Variants in CA12 observed in about 807,000 individuals in gnomAD.
The protein encoded by CA12 is carbonate dehydratase XII.
A neutral mutation model predicts 46.8 loss-of-function variants in CA12; 36 were observed. The observed-to-expected ratio is 0.77, with a 90% CI of 0.59 to 1.02. The LOEUF is 1.02. Among genes scored for constraint, CA12 ranks in the 50% least tolerant of loss-of-function variants. The pLI is 0.00. For synonymous variants in CA12, 202 were observed against 187.0 expected (o/e 1.08, Z -0.65); for missense variants, 436 against 451.4 (o/e 0.97, Z 0.31).
At chr15:63,332,302 G>A (rs1261008633) in intron 8 of CA12, among the ~76,000 whole-genome samples, 3 of 152,318 alleles carry the variant, frequency 2.0e-5, no homozygotes, top group South Asian at 2.1e-4. Flanking sequence ...CCTTATGAAC[G>A]CTATGCAACC....
chr15:63,332,564 C>A (rs1040091603), intron 8 of CA12, among the ~76,000 whole-genome samples: 2 of 152,142 alleles, frequency 1.3e-5, no homozygotes, highest in East Asian at 1.9e-4. Context: ...GGTGGTGGGA[C>A]GGGGGCCTTT....
Position 63,381,765 on chromosome 15 carries a change from C to G in CA12, c.-45G>C. The G allele has an allele frequency of 4.4e-6, 6 of 1,372,996 alleles. No individual in the cohort carries two copies. The highest frequency in any genetic ancestry group is 1.5e-5 in the South Asian group (1 of 68,408). 85.1% of individuals were successfully genotyped at this position (1,372,996 alleles called of 1,614,324 possible). A position where few individuals can be genotyped will look rare whatever the true frequency, so the allele number is the denominator to read the frequency against. Reference sequence around the variant, plus strand: ...GCGGGCGCGGGCTGTGCCGGGGGCTCCCGGTGGCCGCTCGCTCTCCAGCTG... The same window carrying G: ...GCGGGCGCGGGCTGTGCCGGGGGCTGCCGGTGGCCGCTCGCTCTCCAGCTG... On this transcript the variant is annotated 5_prime_UTR_variant, in exon 1 of 11. Transcript: ENST00000178638.
At position 63,328,147 on chromosome 15, in the gene CA12, A is replaced by G. The variant is rs1234115391; in HGVS notation, c.875-17T>C. On this transcript the variant is annotated splice_polypyrimidine_tract_variant and intron_variant, in intron 8 of 10. Coordinates refer to ENST00000178638, the MANE Select transcript of CA12 (RefSeq NM_001218.5). This position sits in a 1 kb window ranked among gnomAD's most constrained non-coding sequence, Gnocchi z 5.9. ...AGACTTGCACTTAAAAGGGGAGAGG[A>G]AAAGACGAGGTTACTCTAGAGTCAA... 6.2e-7 allele frequency: 1 copy of G among 1,613,244 alleles called. No homozygotes were observed. The highest frequency in any genetic ancestry group is 1.3e-5 in the African/African-American group (1 of 74,980).
chr15:63,340,835 C>A lies in CA12; in HGVS notation c.526-52G>T. On this transcript the variant is annotated intron_variant, in intron 5 of 10. Transcript: ENST00000178638. The surrounding 1 kb of genome is among the most constrained non-coding windows in gnomAD (Gnocchi z 4.4). The stretch of plus-strand genomic sequence containing the variant: ...CTGGGACAGAACAGGATAGGCTGAG[C>A]CAGGATTGACGATTGCTATCAGAAG... 1 of 1,529,474 alleles carries A rather than the reference C, an allele frequency of 6.5e-7. No homozygotes were observed. The highest frequency in any genetic ancestry group is 1.7e-5 in the Admixed American group (1 of 59,748). 94.7% of individuals were successfully genotyped at this position (1,529,474 alleles called of 1,614,324 possible). A position where few individuals can be genotyped will look rare whatever the true frequency, so the allele number is the denominator to read the frequency against.
Position 63,379,899 on chromosome 15 carries a change from G to A in CA12, c.85+1737C>T, listed in dbSNP as rs78003059. ...CCAAGGGTTTCTCCAGAAGACACTTGACTTCACATTATTATGCTCCCTCCT... is the reference window on the plus strand; with the variant it reads ...CCAAGGGTTTCTCCAGAAGACACTTAACTTCACATTATTATGCTCCCTCCT... On this transcript the variant is annotated intron_variant, in intron 1 of 10. Transcript: ENST00000178638. Among the ~76,000 whole-genome samples, 420 of 152,278 alleles carry A rather than the reference G, an allele frequency of 2.8e-3. 1 individual carries two copies. Among genetic ancestry groups the A allele is most frequent in the African/African-American group, 9.5e-3 (395 of 41,546 alleles).
chr15:63,381,587 G>T, intron 1 of CA12, 49 bp downstream of exon 1: 1 of 1,475,970 alleles, frequency 6.8e-7, no homozygotes, highest in Non-Finnish European at 9.4e-7. Context: ...CAGCCCAGGG[G>T]CGGCTGAGCG....
intron 8 of CA12, among the ~76,000 whole-genome samples, chr15:63,333,252 G>A (rs1028649174): frequency 2.0e-5 from 3 of 152,220 alleles, no homozygotes; most frequent in South Asian, 2.1e-4. Flanking sequence ...TGGAAGGATC[G>A]GCTAGGGCCC....
chr15:63,325,321 G>C lies in CA12; in HGVS notation c.*964C>G, dbSNP rs2038851295. On this transcript the variant is annotated 3_prime_UTR_variant, in exon 11 of 11. Coordinates refer to ENST00000178638, the MANE Select transcript of CA12 (RefSeq NM_001218.5). This position sits in a 1 kb window ranked among gnomAD's most constrained non-coding sequence, Gnocchi z 4.9. The stretch of plus-strand genomic sequence containing the variant: ...TCTGCCTATTTCCTCCAGATTCAAA[G>C]GCAGATTGGGTCATCTCGGAACTCA... The C allele has an allele frequency of 6.6e-6, 1 of 152,162 alleles. No homozygotes were observed. Among genetic ancestry groups the C allele is most frequent in the Non-Finnish European group, 1.5e-5 (1 of 68,042 alleles). The allele number at this position is 152,162 out of a possible 1,614,324, so 9.4% of individuals were successfully genotyped here.
At chr15:63,352,087 GCT>G (rs2039239852) in intron 2 of CA12, among the ~76,000 whole-genome samples, 1 of 152,180 alleles carries the variant, frequency 6.6e-6, no homozygotes. Context: ...ACTGAGTCTT[GCT>G]CTGTCACCAA....
chr15:63,342,647 C>T (rs557081521), intron 4 of CA12, among the ~76,000 whole-genome samples: 46 of 152,264 alleles, frequency 3.0e-4, no homozygotes, highest in African/African-American at 9.9e-4. Flanking sequence ...TCATGTCCAA[C>T]TCCCTCTTCC....
intron 2 of CA12, among the ~76,000 whole-genome samples, chr15:63,362,502 T>C (rs911455701): frequency 1.8e-4 from 27 of 152,194 alleles, no homozygotes; most frequent in Non-Finnish European, 1.5e-5. Flanking sequence ...AGATAAGCCC[T>C]GGGCAATGGT....
chr15:63,326,986 T>G (rs758998644), intron 10 of CA12, among the ~76,000 whole-genome samples, 163 bp downstream of exon 10: 2 of 152,198 alleles, frequency 1.3e-5, no homozygotes, highest in Non-Finnish European at 2.9e-5. Context: ...GTGCGTCTCA[T>G]GCAAAGGAGG....
intron 2 of CA12, among the ~76,000 whole-genome samples, chr15:63,353,775 G>A (rs2039263117): frequency 1.3e-5 from 2 of 152,154 alleles, no homozygotes; most frequent in Non-Finnish European, 1.5e-5. Flanking sequence ...TCAGACTCCT[G>A]GGCTGAAATG....
intron 2 of CA12, among the ~76,000 whole-genome samples, chr15:63,347,938 T>G (rs1217110296): frequency 1.3e-5 from 2 of 152,314 alleles, no homozygotes; most frequent in East Asian, 3.9e-4. Context: ...ACCCCTGCAC[T>G]GTTTCACAAG....
In CA12 at chr15:63,340,185, C is replaced by A; in HGVS notation, c.747+103G>T. 1.5e-6 allele frequency: 2 copies of A among 1,329,112 alleles called. No homozygotes were observed. Among genetic ancestry groups the A allele is most frequent in the Non-Finnish European group, 2.1e-6 (2 of 934,864 alleles). 82.3% of individuals were successfully genotyped at this position (1,329,112 alleles called of 1,614,324 possible). On this transcript the variant is annotated intron_variant, in intron 7 of 10. Transcript: ENST00000178638. The surrounding 1 kb of genome is among the most constrained non-coding windows in gnomAD (Gnocchi z 4.4). ...TATTTGGAGAGGTTTTGAAGAGCTGCCAATGAAACTAAATGAGGAAATCAA... is the reference window on the plus strand; with the variant it reads ...TATTTGGAGAGGTTTTGAAGAGCTGACAATGAAACTAAATGAGGAAATCAA...
rs2038822580 is a variant in CA12 at position 63,323,533 on chromosome 15, A to AT, written c.*2751dup. On this transcript the variant is annotated 3_prime_UTR_variant, in exon 11 of 11. Transcript: ENST00000178638. This position sits in a 1 kb window ranked among gnomAD's most constrained non-coding sequence, Gnocchi z 5.1. ...CCAAAAAAAAAAAAAGAACAGCCTGATGTGAAAAACATTTATAATTTCTTG... is the reference window on the plus strand; with the variant it reads ...CCAAAAAAAAAAAAAGAACAGCCTGATTGTGAAAAACATTTATAATTTCTTG... 1 of 152,474 alleles carries AT rather than the reference A, an allele frequency of 6.6e-6. No homozygotes were observed. The highest frequency in any genetic ancestry group is 1.5e-5 in the Non-Finnish European group (1 of 68,020). 9.4% of individuals were successfully genotyped at this position (152,474 alleles called of 1,614,324 possible). A position where few individuals can be genotyped will look rare whatever the true frequency, so the allele number is the denominator to read the frequency against.
intron 2 of CA12, among the ~76,000 whole-genome samples, chr15:63,366,251 C>CTCA (rs2039434475): frequency 6.6e-6 from 1 of 152,182 alleles, no homozygotes; most frequent in African/African-American, 2.4e-5. Flanking sequence ...AGCCCCTTCC[C>CTCA]TCATCACTGA....
In CA12 at chr15:63,327,335, A is replaced by G. The variant is rs1451801960; in HGVS notation, c.908-102T>C. 7.0e-6 allele frequency: 6 copies of G among 862,504 alleles called. No individual in the cohort carries two copies. Among genetic ancestry groups the G allele is most frequent in the Non-Finnish European group, 1.2e-5 (6 of 521,576 alleles). The allele number at this position is 862,504 out of a possible 1,614,324, so 53.4% of individuals were successfully genotyped here. ...TCATGGCCCAGCTGCATAATCATCC[A>G]CAGAAAGGAATAATTTCCCCATCCC... On this transcript the variant is annotated intron_variant, in intron 9 of 10. Transcript: ENST00000178638. The surrounding 1 kb of genome is among the most constrained non-coding windows in gnomAD (Gnocchi z 4.5).
At chr15:63,380,882 C>T (rs112088255) in intron 1 of CA12, among the ~76,000 whole-genome samples, 3 of 152,360 alleles carry the variant, frequency 2.0e-5, no homozygotes, top group African/African-American at 7.2e-5. Flanking sequence ...TGTTAGCTCA[C>T]TGGCCCGGCG....
Sources: gnomAD v4.1 joint callset for allele counts (sites outside exome capture counted in the v4.1 genomes callset) on GRCh38, gnomAD v4.1.1 for gene constraint, Gnocchi (gnomAD v3.1) non-coding constraint, MANE v1.5 for transcripts, NCBI Gene and HGNC (gene_info 2026-07-23, HGNC 2026-07-21) for gene names.